Variants in PCDHGA7 observed in about 807,000 individuals in gnomAD.
PCDHGA7 encodes protocadherin gamma-A7.
In PCDHGA7, 44 loss-of-function variants were observed where a neutral mutation model predicts 58.3. The observed-to-expected ratio is 0.75, with a 90% CI of 0.59 to 0.97. The LOEUF (loss-of-function observed/expected upper bound fraction) is 0.97. Among genes scored for constraint, PCDHGA7 ranks in the 50% least tolerant of loss-of-function variants. The pLI, the probability that PCDHGA7 is intolerant of heterozygous loss-of-function variation, is 0.00. For missense variants in PCDHGA7, 1,266 were observed against 1,188.7 expected (o/e 1.06, Z -0.96); for synonymous variants, 516 against 504.2 (o/e 1.02, Z -0.31).
chr5:141,491,483 A>ACCTGCAGGTGAGCTCGG lies in PCDHGA7; in HGVS notation c.2425-3323_2425-3307dup. The ACCTGCAGGTGAGCTCGG allele has an allele frequency of 3.1e-6, 5 of 1,614,018 alleles. No individual in the cohort carries two copies. The highest frequency in any genetic ancestry group is 4.2e-6 in the Non-Finnish European group (5 of 1,180,012). ...GACTTCTATAAGCAGTCCAGCCCCAACCTGCAGGTGAGCTCGGACGGCACG... is the reference window on the plus strand; with the variant it reads ...GACTTCTATAAGCAGTCCAGCCCCAACCTGCAGGTGAGCTCGGCCTGCAGGTGAGCTCGGACGGCACG... On this transcript the variant is annotated intron_variant, in intron 1 of 3. Coordinates refer to ENST00000518325, the MANE Select transcript of PCDHGA7 (RefSeq NM_018920.4). The surrounding 1 kb of genome is among the most constrained non-coding windows in gnomAD (Gnocchi z 6.9).
intron 1 of PCDHGA7, among the ~76,000 whole-genome samples, chr5:141,438,587 C>CAT (rs1372372472): frequency 1.4e-4 from 10 of 73,396 alleles, no homozygotes; most frequent in East Asian, 3.8e-4. Context: ...TACATACATA[C>CAT]ATACATATAT....
chr5:141,425,587 T>G (rs2096884432), intron 1 of PCDHGA7, among the ~76,000 whole-genome samples: 2 of 152,226 alleles, frequency 1.3e-5, no homozygotes. Flanking sequence ...CTAACTTTAT[T>G]CTGAATATGC....
chr5:141,447,428 G>C (rs542079336), intron 1 of PCDHGA7, among the ~76,000 whole-genome samples: 1 of 152,184 alleles, frequency 6.6e-6, no homozygotes, highest in African/African-American at 2.4e-5. Flanking sequence ...GTGAGCCACC[G>C]CACCCGGAGG....
At position 141,393,580 on chromosome 5, in the gene PCDHGA7, C is replaced by A. The variant is rs756625630; in HGVS notation, c.2424+8257C>A. 5.6e-6 allele frequency: 9 copies of A among 1,613,758 alleles called. No individual in the cohort carries two copies. In the South Asian group the frequency reaches 9.9e-5, roughly 18 times the overall value. ...CGAGTGAAAGTCCTTGAGAACATGC[C>A]CCCAGGCACGCGGCTGCTTACTGTA... is the stretch of plus-strand genomic sequence containing the variant. On this transcript the variant is annotated intron_variant, in intron 1 of 3. Transcript: ENST00000518325.
At chr5:141,444,152 A>ATTTTTTTTTTTTTTTTT (rs747671382) in intron 1 of PCDHGA7, among the ~76,000 whole-genome samples, 1 of 33,898 alleles carries the variant, frequency 3.0e-5, no homozygotes, top group African/African-American at 1.4e-4. Context: ...TGTGTACTGG[A>ATTTTTTTTTTTTTTTTT]TTTTTTTTTT....
intron 1 of PCDHGA7, chr5:141,402,990 T>A (rs773089843): frequency 1.6e-5 from 26 of 1,611,934 alleles, no homozygotes; most frequent in Non-Finnish European, 2.0e-5. Context: ...CGCGGAAGAT[T>A]AGTCCTGCTA....
At chr5:141,434,489 C>T (rs921000136) in intron 1 of PCDHGA7, among the ~76,000 whole-genome samples, 4 of 152,158 alleles carry the variant, frequency 2.6e-5, no homozygotes, top group Non-Finnish European at 4.4e-5. Flanking sequence ...ACACCTGGCC[C>T]GCCCAGGGCA....
intron 1 of PCDHGA7, chr5:141,427,019 CAA>C (rs1369360584): frequency 8.8e-6 from 4 of 456,798 alleles, no homozygotes; most frequent in Admixed American, 2.3e-5. Flanking sequence ...AGGATGTATA[CAA>C]AGTCAGCCTT....
intron 1 of PCDHGA7, chr5:141,388,375 G>A (rs2091339163): frequency 7.4e-6 from 12 of 1,613,962 alleles, no homozygotes; most frequent in Non-Finnish European, 1.0e-5. Flanking sequence ...GATATTGGTA[G>A]CAACACACTG....
rs543603315 is a variant in PCDHGA7, at chr5:141,383,928, T to C, written c.1029T>C (p.Asn343=). 1.2e-5 allele frequency: 20 copies of C among 1,613,902 alleles called. No homozygotes were observed. The highest frequency in any genetic ancestry group is 1.7e-5 in the Admixed American group (1 of 60,016). Residue 343 remains asparagine, a synonymous_variant, in exon 1 of 4, where the codon AAT becomes AAC. Coordinates refer to ENST00000518325, the MANE Select transcript of PCDHGA7 (RefSeq NM_018920.4). ...TCACAGTTTTAGATGTAAATGATAA[T>C]GCTCCAGAAGTGACTATGACGTCTT... is the stretch of plus-strand genomic sequence containing the variant. ...VLITVLDVND[N]APEVTMTSLS...
chr5:141,469,036 G>T (rs1396748159), intron 1 of PCDHGA7, among the ~76,000 whole-genome samples: 2 of 152,076 alleles, frequency 1.3e-5, no homozygotes, highest in Non-Finnish European at 2.9e-5. Flanking sequence ...CAGCACTTTG[G>T]GAGGCCAAGG....
At chr5:141,408,969 C>G (rs1005367761) in intron 1 of PCDHGA7, 1 of 1,613,594 alleles carries the variant, frequency 6.2e-7, no homozygotes, top group African/African-American at 1.3e-5. Flanking sequence ...GAAAATCTGC[C>G]CCCTGGGTCC....
At chr5:141,410,821 C>A in intron 1 of PCDHGA7, 1 of 441,370 alleles carries the variant, frequency 2.3e-6, no homozygotes, top group Non-Finnish European at 3.8e-6. Context: ...AAAATAATGT[C>A]ACCAGACTGA....
Position 141,477,858 on chromosome 5 carries a change from C to T in PCDHGA7, c.2425-16949C>T. 2 of 1,613,572 alleles carry T rather than the reference C, an allele frequency of 1.2e-6. No individual in the cohort carries two copies. Among genetic ancestry groups the T allele is most frequent in the Non-Finnish European group, 1.7e-6 (2 of 1,179,842 alleles). ...GGTGGGAGCTCGGTGGAGATGCTGC[C>T]TCGAGGTACCTCAGCTGGCCACCTA... On this transcript the variant is annotated intron_variant, in intron 1 of 3. Transcript: ENST00000518325. This position sits in a 1 kb window ranked among gnomAD's most constrained non-coding sequence, Gnocchi z 4.9.
At position 141,384,337 on chromosome 5, in the gene PCDHGA7, G is replaced by C. The variant is rs370533196; in HGVS notation, c.1438G>C (p.Asp480His). ...SIFLVTAQDH[D>H]SEDNAQITYS... ...TTTCTTAGTGACTGCACAGGACCAC[G>C]ACAGTGAGGATAATGCCCAGATCAC... Residue 480 changes from aspartate (D) to histidine (H), a missense_variant, in exon 1 of 4, where the codon GAC (aspartate) becomes CAC (histidine). Physicochemically the swap from Asp to His is moderately conservative, Grantham distance 81. Coordinates refer to ENST00000518325, the MANE Select transcript of PCDHGA7 (RefSeq NM_018920.4). 1.2e-6 allele frequency: 2 copies of C among 1,613,832 alleles called. No homozygotes were observed. Among genetic ancestry groups the C allele is most frequent in the Non-Finnish European group, 1.7e-6 (2 of 1,179,882 alleles).
intron 1 of PCDHGA7, chr5:141,440,464 G>C (rs2003094): frequency 1.3e-5 from 2 of 152,150 alleles, no homozygotes; most frequent in Admixed American, 6.5e-5. Context: ...ATGAACAAAC[G>C]GTAGTTGAAA....
Position 141,477,203 on chromosome 5 carries a change from G to A in PCDHGA7, c.2425-17604G>A. The A allele has an allele frequency of 6.2e-7, 1 of 1,614,176 alleles. No individual in the cohort carries two copies. The highest frequency in any genetic ancestry group is 8.5e-7 in the Non-Finnish European group (1 of 1,180,050). ...CACCTCCGTGTACAGCCCAGTACCC[G>A]AGGATGCCCCTCTGGGGACTGTCAT... On this transcript the variant is annotated intron_variant, in intron 1 of 3. Coordinates refer to ENST00000518325, the MANE Select transcript of PCDHGA7 (RefSeq NM_018920.4). This position sits in a 1 kb window ranked among gnomAD's most constrained non-coding sequence, Gnocchi z 4.9.
intron 1 of PCDHGA7, chr5:141,409,788 C>T (rs1224847553): frequency 3.1e-6 from 5 of 1,612,138 alleles, no homozygotes; most frequent in Admixed American, 1.7e-5. Flanking sequence ...CGCGCCTTCG[C>T]GCTCACGCTG....
chr5:141,419,522 C>A, intron 1 of PCDHGA7: 4 of 1,612,178 alleles, frequency 2.5e-6, no homozygotes, highest in Non-Finnish European at 3.4e-6. Context: ...GGTGGGCGAC[C>A]GTAACGACAA....
Sources: gnomAD v4.1 joint callset for allele counts (sites outside exome capture counted in the v4.1 genomes callset) on GRCh38, gnomAD v4.1.1 for gene constraint, Gnocchi (gnomAD v3.1) non-coding constraint, MANE v1.5 for transcripts, NCBI Gene and HGNC (gene_info 2026-07-23, HGNC 2026-07-21) for gene names.